HIP1: variants seen among roughly 807,000 people sequenced by gnomAD.
HIP1 encodes huntingtin interacting protein 1.
HIP1 carries 65 observed loss-of-function variants against 147.6 expected under a neutral mutation model. That is an observed-to-expected ratio of 0.44 (90% confidence interval 0.36 to 0.54). HIP1 has a LOEUF of 0.54. Among genes scored for constraint, HIP1 ranks in the 20% least tolerant of loss-of-function variants. The pLI, the probability that HIP1 is intolerant of heterozygous loss-of-function variation, is 0.00. For synonymous variants in HIP1, 479 were observed against 504.0 expected, an observed-to-expected ratio of 0.95 and a Z score of 0.67; for missense variants, 1,061 against 1,299.6, an observed-to-expected ratio of 0.82 and a Z score of 2.82.
intron 5 of HIP1, among the ~76,000 whole-genome samples, chr7:75,584,070 C>A (rs1796162085): frequency 6.6e-6 from 1 of 151,946 alleles, no homozygotes; most frequent in Middle Eastern, 3.2e-3. Flanking sequence ...AAGCGATTCT[C>A]CTGCCTCAGC....
intron 8 of HIP1, among the ~76,000 whole-genome samples, chr7:75,573,531 C>T (rs587600489): frequency 6.6e-6 from 1 of 152,322 alleles, no homozygotes; most frequent in African/African-American, 2.4e-5. Flanking sequence ...CCCCAAAGAT[C>T]CTGTAACACT....
chr7:75,672,885 C>T (rs1299805347), intron 1 of HIP1, among the ~76,000 whole-genome samples: 1 of 152,142 alleles, frequency 6.6e-6, no homozygotes, highest in African/African-American at 2.4e-5. Context: ...TGTTGACTAT[C>T]AATTGACCAC....
intron 5 of HIP1, among the ~76,000 whole-genome samples, chr7:75,585,002 C>T (rs1796200233): frequency 6.7e-6 from 1 of 149,656 alleles, no homozygotes; most frequent in Non-Finnish European, 1.5e-5. Flanking sequence ...GTGCGTGTCA[C>T]CACGCCCAGC....
intron 1 of HIP1, among the ~76,000 whole-genome samples, chr7:75,644,701 C>T (rs944460941): frequency 1.3e-5 from 2 of 152,108 alleles, no homozygotes; most frequent in Non-Finnish European, 1.5e-5. Context: ...TTTTATGGTG[C>T]GGGGGAGGAG....
chr7:75,560,979 G>A (rs1358232986), intron 13 of HIP1, among the ~76,000 whole-genome samples: 1 of 146,228 alleles, frequency 6.8e-6, no homozygotes, highest in East Asian at 2.0e-4. Flanking sequence ...TTGAGACAGA[G>A]TCTTGTTCTA....
chr7:75,615,618 T>C (rs1797627922), intron 1 of HIP1, among the ~76,000 whole-genome samples: 1 of 152,004 alleles, frequency 6.6e-6, no homozygotes. Context: ...TTCCTGTCCT[T>C]TCCTTCCTTC....
chr7:75,659,721 T>C (rs534108937), intron 1 of HIP1, among the ~76,000 whole-genome samples: 1 of 152,116 alleles, frequency 6.6e-6, no homozygotes, highest in South Asian at 2.1e-4. Flanking sequence ...AGACCTGGGG[T>C]TACTTGCCTC....
intron 1 of HIP1, among the ~76,000 whole-genome samples, chr7:75,669,655 A>G (rs1554515056): frequency 6.6e-6 from 1 of 152,142 alleles, no homozygotes; most frequent in Non-Finnish European, 1.5e-5. Flanking sequence ...GTGCTAATCT[A>G]CTTTCTGTCT....
chr7:75,715,456 C>CAGAGAGAG (rs782012723), intron 1 of HIP1, among the ~76,000 whole-genome samples: 21 of 143,486 alleles, frequency 1.5e-4, no homozygotes, highest in Non-Finnish European at 1.2e-4. Context: ...GAGAGACACA[C>CAGAGAGAG]ACAGAGAGAG....
chr7:75,539,249 TC>T, intron 30 of HIP1, 73 bp downstream of exon 30: 1 of 1,068,224 alleles, frequency 9.4e-7, no homozygotes, highest in Non-Finnish European at 1.5e-6. Flanking sequence ...TCTGTTCCAT[TC>T]TAGGGGAAGG....
chr7:75,556,688 A>G (rs1554493405), intron 17 of HIP1, 22 bp downstream of exon 17: 2 of 1,320,996 alleles, frequency 1.5e-6, no homozygotes, highest in Admixed American at 1.9e-5. Context: ...TCTATCTCCA[A>G]AAAAAAAAAG....
chr7:75,603,062 C>T (rs896142462), intron 1 of HIP1, among the ~76,000 whole-genome samples: 1 of 149,644 alleles, frequency 6.7e-6, no homozygotes, highest in African/African-American at 2.5e-5. Flanking sequence ...AAGAATCCTT[C>T]CCGGCCGGGC....
chr7:75,558,742 A>G (rs1024637205), intron 14 of HIP1, among the ~76,000 whole-genome samples: 5 of 152,192 alleles, frequency 3.3e-5, no homozygotes, highest in African/African-American at 1.2e-4. Flanking sequence ...CCAGGGGCCA[A>G]GCGAGGTGGC....
At chr7:75,574,342 AC>A (rs1339316616) in intron 7 of HIP1, among the ~76,000 whole-genome samples, 1 of 151,838 alleles carries the variant, frequency 6.6e-6, no homozygotes, top group Non-Finnish European at 1.5e-5. Flanking sequence ...TAATCCCAGC[AC>A]TTTAGGAGGC....
chr7:75,684,923 C>G (rs1433127166), intron 1 of HIP1, among the ~76,000 whole-genome samples: 1 of 151,928 alleles, frequency 6.6e-6, no homozygotes, highest in African/African-American at 2.4e-5. Context: ...AACCCCGTCT[C>G]TACTAAAAAT....
At chr7:75,676,361 C>T (rs1799887044) in intron 1 of HIP1, among the ~76,000 whole-genome samples, 1 of 152,202 alleles carries the variant, frequency 6.6e-6, no homozygotes, top group Non-Finnish European at 1.5e-5. Flanking sequence ...GTTCTGCTCG[C>T]ACAGAGCCTC....
intron 1 of HIP1, among the ~76,000 whole-genome samples, chr7:75,653,695 C>G (rs1452148188): frequency 6.6e-6 from 1 of 151,824 alleles, no homozygotes; most frequent in East Asian, 1.9e-4. Context: ...ACTATCTCTA[C>G]TAAAAAATAC....
chr7:75,596,235 C>CA (rs10658504), intron 2 of HIP1, among the ~76,000 whole-genome samples: 2,478 of 59,178 alleles, frequency 0.042, 208 homozygotes, highest in East Asian at 0.32. Flanking sequence ...GACCCTGCCT[C>CA]AAAAAAAAAA....
At chr7:75,682,205 C>CG (rs760623146) in intron 1 of HIP1, among the ~76,000 whole-genome samples, 1 of 94,656 alleles carries the variant, frequency 1.1e-5, no homozygotes, top group African/African-American at 4.9e-5. Context: ...GATCCACCCA[C>CG]CTGGCCTCCC....
Sources: allele counts gnomAD v4.1 joint callset (sites outside exome capture counted in the v4.1 genomes callset), GRCh38; gene constraint gnomAD v4.1.1; transcripts MANE v1.5; gene names NCBI Gene and HGNC (gene_info 2026-07-23, HGNC 2026-07-21).